The following TAFA2 variants were observed in gnomAD, a reference collection of about 807,000 sequenced individuals.
TAFA2 encodes chemokine-like protein TAFA-2.
TAFA2 carries 7 observed loss-of-function variants against 18.8 expected under a neutral mutation model. The ratio of observed to expected loss-of-function variants is 0.37; its 90% CI spans 0.21 to 0.70. The LOEUF (loss-of-function observed/expected upper bound fraction) is 0.70. Among genes scored for constraint, TAFA2 ranks in the 30% least tolerant of loss-of-function variants. The pLI is 0.53. For missense variants in TAFA2, 122 were observed against 158.1 expected, an observed-to-expected ratio of 0.77 and a Z score of 1.23; for synonymous variants, 60 against 54.2, an observed-to-expected ratio of 1.11 and a Z score of -0.47.
Position 61,939,426 on chromosome 12 carries a change from T to C in TAFA2, c.-1-72000A>G, listed in dbSNP as rs546783041. ...GAATACAATGTGTATCTTTGGTTTA[T>C]TGGCAAAAAATACTATCCATTTTTC... On this transcript the variant is annotated intron_variant, in intron 1 of 4. Coordinates refer to ENST00000416284, the MANE Select transcript of TAFA2 (RefSeq NM_178539.5). Among the ~76,000 whole-genome samples, 29 of 152,282 alleles carry C rather than the reference T, an allele frequency of 1.9e-4. No homozygotes were observed. The South Asian group carries it at 5.6e-3, about 29-fold the overall frequency.
intron 1 of TAFA2, among the ~76,000 whole-genome samples, chr12:61,937,847 C>T (rs949505428): frequency 7.9e-5 from 12 of 151,826 alleles, no homozygotes; most frequent in African/African-American, 2.9e-4. Flanking sequence ...GCAAAAGAAA[C>T]AATCATCAGA....
At position 62,124,081 on chromosome 12, in the gene TAFA2, C is replaced by T. The variant is rs190268902; in HGVS notation, c.-2+67178G>A. The stretch of plus-strand genomic sequence containing the variant: ...CTCAAGACAAGTGGTTTTTAAACCA[C>T]TGCGAATCAGTATTTTTGCCCCTGC... On this transcript the variant is annotated intron_variant, in intron 1 of 4. Coordinates refer to ENST00000416284, the MANE Select transcript of TAFA2 (RefSeq NM_178539.5). Among the ~76,000 whole-genome samples, 5 of 152,026 alleles carry T rather than the reference C, an allele frequency of 3.3e-5. No individual in the cohort carries two copies. In the South Asian group the frequency reaches 6.2e-4, roughly 19 times the overall value.
intron 1 of TAFA2, among the ~76,000 whole-genome samples, chr12:62,247,951 T>C (rs1200844952): frequency 6.6e-6 from 1 of 152,222 alleles, no homozygotes; most frequent in Non-Finnish European, 1.5e-5. Flanking sequence ...TGTTTCTTTT[T>C]CTTTTCTTGG....
chr12:62,186,084 T>C (rs1024344002), intron 1 of TAFA2, among the ~76,000 whole-genome samples: 12 of 152,194 alleles, frequency 7.9e-5, no homozygotes, highest in African/African-American at 2.7e-4. Flanking sequence ...GTGCCCACTA[T>C]AATTTATTTT....
In TAFA2 at chr12:62,221,244, A is replaced by AGGAG. The variant is rs1227753319; in HGVS notation, c.-130+37518_-130+37519insCTCC. ...AAGGAAGGAAGGAAGGAAGGAAGGA[A>AGGAG]GGAAGGAAGGAAGGAAGGAAGTTTG... On this transcript the variant is annotated intron_variant, in intron 1 of 5. Transcript: ENST00000551619. Among the ~76,000 whole-genome samples the AGGAG allele has an allele frequency of 6.1e-3, 922 of 150,688 alleles. 19 individuals are homozygous for AGGAG. The highest frequency in any genetic ancestry group is 0.022 in the African/African-American group (891 of 40,974).
At chr12:61,824,056 G>A (rs1218986520) in intron 2 of TAFA2, among the ~76,000 whole-genome samples, 1 of 152,148 alleles carries the variant, frequency 6.6e-6, no homozygotes, top group Non-Finnish European at 1.5e-5. Context: ...ATACTGTCTT[G>A]CTAACAAACT....
intron 1 of TAFA2, among the ~76,000 whole-genome samples, chr12:62,011,557 G>A (rs923571878): frequency 1.1e-4 from 17 of 152,090 alleles, no homozygotes; most frequent in Non-Finnish European, 2.1e-4. Context: ...CAGCATGCTA[G>A]TTAAGAGTCA....
intron 1 of TAFA2, among the ~76,000 whole-genome samples, chr12:62,223,565 C>T (rs2062773245): frequency 6.6e-6 from 1 of 152,094 alleles, no homozygotes; most frequent in Admixed American, 6.5e-5. Flanking sequence ...CTTTACCCAA[C>T]ACTACATACA....
chr12:61,926,727 C>G (rs1016095232), intron 1 of TAFA2, among the ~76,000 whole-genome samples: 1 of 152,010 alleles, frequency 6.6e-6, no homozygotes, highest in African/African-American at 2.4e-5. Flanking sequence ...ATAACAAAAC[C>G]ACAGCCAATA....
intron 1 of TAFA2, among the ~76,000 whole-genome samples, chr12:62,257,916 C>A (rs2062948239): frequency 1.3e-5 from 2 of 152,046 alleles, no homozygotes; most frequent in Non-Finnish European, 2.9e-5. Context: ...GAGAGAAGCA[C>A]CAGTAAAATA....
chr12:62,185,192 C>T (rs1030467130), intron 1 of TAFA2, among the ~76,000 whole-genome samples: 4 of 152,118 alleles, frequency 2.6e-5, no homozygotes, highest in Admixed American at 6.5e-5. Flanking sequence ...TGTCATATAA[C>T]AGTCATTAGA....
chr12:62,013,884 T>A (rs79129438), intron 1 of TAFA2, among the ~76,000 whole-genome samples: 2 of 152,178 alleles, frequency 1.3e-5, no homozygotes, highest in Admixed American at 6.5e-5. Context: ...ACAATTGGTA[T>A]AATGGCAACA....
chr12:62,123,894 G>T (rs1418335368), intron 1 of TAFA2, among the ~76,000 whole-genome samples: 2 of 151,850 alleles, frequency 1.3e-5, no homozygotes, highest in African/African-American at 4.8e-5. Context: ...CCTCTGCTGG[G>T]TCTGCAGCAG....
At chr12:61,796,451 G>T (rs1871193696) in intron 2 of TAFA2, among the ~76,000 whole-genome samples, 1 of 152,164 alleles carries the variant, frequency 6.6e-6, no homozygotes, top group South Asian at 2.1e-4. Flanking sequence ...CCATTTGCAT[G>T]AAATTCTTTT....
At chr12:61,787,641 A>G (rs1870793686) in intron 2 of TAFA2, among the ~76,000 whole-genome samples, 1 of 151,640 alleles carries the variant, frequency 6.6e-6, no homozygotes, top group African/African-American at 2.4e-5. Context: ...GTAGTCTGTT[A>G]TAACCACAAT....
At chr12:62,157,988 A>G (rs907820292) in intron 1 of TAFA2, among the ~76,000 whole-genome samples, 1 of 152,182 alleles carries the variant, frequency 6.6e-6, no homozygotes, top group Non-Finnish European at 1.5e-5. Context: ...ACATATCTAT[A>G]TGTCTTATAT....
intron 2 of TAFA2, among the ~76,000 whole-genome samples, chr12:61,776,926 G>A (rs942040702): frequency 6.6e-6 from 1 of 151,796 alleles, no homozygotes; most frequent in African/African-American, 2.4e-5. Context: ...TGGTCCTGGA[G>A]TGTGTTGTAA....
intron 4 of TAFA2, among the ~76,000 whole-genome samples, chr12:61,747,823 A>C (rs1868802188): frequency 1.3e-5 from 2 of 151,826 alleles, no homozygotes; most frequent in Admixed American, 1.3e-4. Flanking sequence ...TATGTAACTA[A>C]CCTGCACATT....
At chr12:61,941,046 A>G (rs1477969617) in intron 1 of TAFA2, among the ~76,000 whole-genome samples, 2 of 152,342 alleles carry the variant, frequency 1.3e-5, no homozygotes, top group South Asian at 2.1e-4. Flanking sequence ...CAAAACTTTC[A>G]TATATGTTTT....
Sources: allele counts gnomAD v4.1 joint callset (sites outside exome capture counted in the v4.1 genomes callset), GRCh38; gene constraint gnomAD v4.1.1; transcripts MANE v1.5; gene names NCBI Gene and HGNC (gene_info 2026-07-23, HGNC 2026-07-21).